KIAA1217: variants seen among roughly 807,000 people sequenced by gnomAD.
KIAA1217 encodes the protein KIAA1217.
KIAA1217 carries 88 observed loss-of-function variants against 163.9 expected under a neutral mutation model. The observed-to-expected ratio is 0.54, with a 90% CI of 0.45 to 0.64. KIAA1217 has a LOEUF of 0.64. Among genes scored for constraint, KIAA1217 ranks in the 30% least tolerant of loss-of-function variants. The probability of loss-of-function intolerance (pLI) is 0.00; values close to 1 mark genes in which losing one functional copy is unlikely to be tolerated. For missense variants in KIAA1217, 2,372 were observed against 2,475.0 expected (o/e 0.96, Z 0.88); for synonymous variants, 903 against 923.1 (o/e 0.98, Z 0.39).
chr10:23,933,705 A>T (rs1031432194), intron 1 of KIAA1217, among the ~76,000 whole-genome samples: 1 of 152,208 alleles, frequency 6.6e-6, no homozygotes, highest in African/African-American at 2.4e-5. Context: ...AGAAAAAAAA[A>T]TCCCATCAAA....
intron 5 of KIAA1217, among the ~76,000 whole-genome samples, chr10:24,443,683 T>G (rs140139635): frequency 0.013 from 1,986 of 152,276 alleles, 16 homozygotes; most frequent in Middle Eastern, 0.041. Flanking sequence ...AAAAGACATC[T>G]TTAAAACTAT....
chr10:24,247,528 G>A (rs968417468), intron 2 of KIAA1217, among the ~76,000 whole-genome samples: 2 of 152,188 alleles, frequency 1.3e-5, no homozygotes, highest in African/African-American at 4.8e-5. Context: ...TGGGCGTGGT[G>A]GCTCACGCTT....
intron 1 of KIAA1217, among the ~76,000 whole-genome samples, chr10:23,838,499 C>A (rs561948789): frequency 6.6e-6 from 1 of 151,784 alleles, no homozygotes; most frequent in African/African-American, 2.4e-5. Flanking sequence ...CTCGCTCTAT[C>A]GCCCAGGCTG....
intron 1 of KIAA1217, among the ~76,000 whole-genome samples, chr10:23,952,168 G>A (rs1337496681): frequency 6.6e-6 from 1 of 152,320 alleles, no homozygotes; most frequent in Non-Finnish European, 1.5e-5. Context: ...GATTGGGGAT[G>A]TTTTAAGATA....
intron 3 of KIAA1217, among the ~76,000 whole-genome samples, chr10:24,413,926 A>G (rs1471232700): frequency 2.0e-5 from 3 of 152,290 alleles, no homozygotes; most frequent in East Asian, 3.9e-4. Flanking sequence ...TTTAGTGTCT[A>G]TCTACATCAA....
In KIAA1217 at chr10:24,083,993, G is replaced by C. The variant is rs1248053839; in HGVS notation, c.-171+76619G>C. ...TTCAGGAGAGAAACCTAAGAGCTAA[G>C]AAAATATTACAGAGAGTTGTTGAGG... On this transcript the variant is annotated intron_variant, in intron 2 of 18. Coordinates refer to the KIAA1217 transcript ENST00000376462. 2.0e-5 allele frequency among the ~76,000 whole-genome samples: 3 copies of C among 152,186 alleles called. No homozygotes were observed. In the East Asian group the frequency reaches 5.8e-4, roughly 29 times the overall value.
At chr10:23,733,985 A>C (rs888560071) in intron 1 of KIAA1217, among the ~76,000 whole-genome samples, 1 of 152,288 alleles carries the variant, frequency 6.6e-6, no homozygotes, top group East Asian at 1.9e-4. Context: ...TATCATGATA[A>C]GGAAAAACAC....
intron 1 of KIAA1217, among the ~76,000 whole-genome samples, chr10:23,719,158 T>A (rs1462752911): frequency 6.6e-6 from 1 of 152,196 alleles, no homozygotes; most frequent in African/African-American, 2.4e-5. Flanking sequence ...ACAGTCCAAA[T>A]GTCCATCAGT....
intron 19 of KIAA1217, 128 bp from the exon 20 acceptor site, chr10:24,544,853 A>T: frequency 1.0e-6 from 1 of 988,444 alleles, no homozygotes; most frequent in Non-Finnish European, 1.5e-6. Flanking sequence ...GGTGTCTCCT[A>T]GATCTGTCCT....
intron 1 of KIAA1217, among the ~76,000 whole-genome samples, chr10:23,994,192 C>A (rs1047901834): frequency 6.6e-6 from 1 of 152,186 alleles, no homozygotes; most frequent in East Asian, 1.9e-4. Flanking sequence ...CATTGACAAG[C>A]CTTTCTTGGT....
Position 24,029,385 on chromosome 10 carries a change from C to T in KIAA1217, c.-171+22011C>T, listed in dbSNP as rs537309247. ...TATAGACTATTCTCACACATCATGC[C>T]GTAAATTCTTCCTTTCATCTACTCT... On this transcript the variant is annotated intron_variant, in intron 2 of 18. Transcript: ENST00000376462. Among the ~76,000 whole-genome samples, 14 of 152,190 alleles carry T rather than the reference C, an allele frequency of 9.2e-5. No homozygotes were observed. In the East Asian group the frequency reaches 2.3e-3, roughly 25 times the overall value.
intron 2 of KIAA1217, among the ~76,000 whole-genome samples, chr10:24,011,114 A>G (rs1182150855): frequency 6.6e-6 from 1 of 152,124 alleles, no homozygotes; most frequent in Non-Finnish European, 1.5e-5. Context: ...GAAGAATACC[A>G]GAGCCTGTGA....
chr10:24,468,789 C>T (rs1017349773), intron 5 of KIAA1217, among the ~76,000 whole-genome samples: 1 of 152,176 alleles, frequency 6.6e-6, no homozygotes, highest in Non-Finnish European at 1.5e-5. Context: ...ACTGGTGTTT[C>T]CCACATGAAT....
intron 3 of KIAA1217, among the ~76,000 whole-genome samples, chr10:24,390,347 C>T (rs1426966803): frequency 6.6e-6 from 1 of 151,708 alleles, no homozygotes; most frequent in African/African-American, 2.4e-5. Flanking sequence ...ACTGCAATTT[C>T]ATGTAAGATC....
intron 2 of KIAA1217, among the ~76,000 whole-genome samples, chr10:24,190,855 G>T (rs980255043): frequency 6.6e-6 from 1 of 151,184 alleles, no homozygotes; most frequent in South Asian, 2.1e-4. Flanking sequence ...ATCATTCCAG[G>T]GAGGGAAAGG....
chr10:24,449,374 A>G (rs2061219074), intron 5 of KIAA1217: 3 of 708,674 alleles, frequency 4.2e-6, no homozygotes, highest in Non-Finnish European at 5.2e-6. Flanking sequence ...CATGAGCCAT[A>G]TTGTATTTAT....
intron 1 of KIAA1217, among the ~76,000 whole-genome samples, chr10:23,821,205 C>T (rs1837608579): frequency 6.6e-6 from 1 of 151,726 alleles, no homozygotes. Context: ...CTGCATGTAT[C>T]ATCACTGAAA....
chr10:24,070,786 C>G (rs536582909), intron 2 of KIAA1217, among the ~76,000 whole-genome samples: 3 of 151,792 alleles, frequency 2.0e-5, no homozygotes, highest in African/African-American at 7.3e-5. Context: ...GGAAAGGTTG[C>G]GAAAAGGGGA....
chr10:23,934,613 A>G (rs1290723903), intron 1 of KIAA1217, among the ~76,000 whole-genome samples: 1 of 69,358 alleles, frequency 1.4e-5, no homozygotes, highest in South Asian at 3.6e-4. Context: ...ATATGTATAT[A>G]TATATATATA....
Sources: gnomAD v4.1 joint callset for allele counts (sites outside exome capture counted in the v4.1 genomes callset) on GRCh38, gnomAD v4.1.1 for gene constraint, MANE v1.5 for transcripts, NCBI Gene and HGNC (gene_info 2026-07-23, HGNC 2026-07-21) for gene names.